CPA6: variants seen among roughly 807,000 people sequenced by gnomAD.
CPA6 encodes the protein carboxypeptidase B.
CPA6 carries 58 observed loss-of-function variants against 63.3 expected under a neutral mutation model. That is an observed-to-expected ratio of 0.92 (90% CI 0.74 to 1.14). The LOEUF (loss-of-function observed/expected upper bound fraction) is 1.14. Among genes scored for constraint, CPA6 ranks in the 50% most tolerant of loss-of-function variants. The pLI is 0.00. For missense variants in CPA6, 565 were observed against 526.6 expected (o/e 1.07, Z -0.71); for synonymous variants, 185 against 179.0 (o/e 1.03, Z -0.27).
intron 1 of CPA6, among the ~76,000 whole-genome samples, chr8:67,673,938 GGTGA>G (rs1001708206): frequency 1.3e-5 from 2 of 152,038 alleles, no homozygotes; most frequent in African/African-American, 4.8e-5. Flanking sequence ...ATGAGGTAAA[GGTGA>G]ATGAAGGGAG....
chr8:67,439,612 G>T (rs1206309186), intron 8 of CPA6, among the ~76,000 whole-genome samples: 1 of 150,366 alleles, frequency 6.7e-6, no homozygotes. Context: ...GAAAGAAAAA[G>T]AAAAAGAAAG....
intron 1 of CPA6, among the ~76,000 whole-genome samples, chr8:67,728,101 C>A (rs1184992878): frequency 2.0e-5 from 3 of 146,608 alleles, no homozygotes; most frequent in Admixed American, 6.9e-5. Context: ...ACAAAAAAAA[C>A]CCACAAAAAC....
At chr8:67,513,440 G>C (rs535581533) in intron 3 of CPA6, among the ~76,000 whole-genome samples, 23 of 152,066 alleles carry the variant, frequency 1.5e-4, no homozygotes, top group African/African-American at 5.5e-4. Context: ...TTATATTACC[G>C]TCACCAAAAT....
intron 1 of CPA6, among the ~76,000 whole-genome samples, chr8:67,722,711 C>A (rs910155445): frequency 2.0e-5 from 3 of 152,070 alleles, no homozygotes; most frequent in African/African-American, 7.2e-5. Flanking sequence ...ACATTTGGAG[C>A]ACTTGATATT....
intron 2 of CPA6, among the ~76,000 whole-genome samples, chr8:67,560,878 AC>A (rs2128974469): frequency 6.6e-6 from 1 of 152,236 alleles, no homozygotes; most frequent in South Asian, 2.1e-4. Context: ...GGACATTATA[AC>A]CAAAGCCATT....
At chr8:67,626,902 C>T (rs1243780255) in intron 1 of CPA6, among the ~76,000 whole-genome samples, 3 of 151,240 alleles carry the variant, frequency 2.0e-5, no homozygotes, top group Non-Finnish European at 1.5e-5. Context: ...ATAATTCAAC[C>T]TGGCAATCAG....
intron 1 of CPA6, among the ~76,000 whole-genome samples, chr8:67,677,342 C>CTTTTTTTTTTTTTTTT (rs35049117): frequency 1.6e-5 from 2 of 128,368 alleles, no homozygotes; most frequent in African/African-American, 2.9e-5. Context: ...AAAACACCTT[C>CTTTTTTTTTTTTTTTT]TTTTTTTTTT....
intron 8 of CPA6, 117 bp downstream of exon 8, chr8:67,483,651 C>T (rs944321994): frequency 1.2e-6 from 1 of 836,972 alleles, no homozygotes; most frequent in Admixed American, 1.7e-5. Flanking sequence ...CTTTCTCTAC[C>T]AGGTTTTCAC....
At chr8:67,696,516 G>T (rs768815195) in intron 1 of CPA6, among the ~76,000 whole-genome samples, 1 of 152,162 alleles carries the variant, frequency 6.6e-6, no homozygotes, top group Non-Finnish European at 1.5e-5. Flanking sequence ...ATTCTACTTC[G>T]AGGTATCTAC....
chr8:67,623,599 A>G lies in CPA6; in HGVS notation c.192+577T>C, dbSNP rs547687381. Reference sequence around the variant, plus strand: ...GGCATGTGACACCACACCTGGTTAAATTTTTACATTTTTTTGCAGAGATGG... The same window carrying G: ...GGCATGTGACACCACACCTGGTTAAGTTTTTACATTTTTTTGCAGAGATGG... On this transcript the variant is annotated intron_variant, in intron 2 of 10. Transcript: ENST00000297770. Among the ~76,000 whole-genome samples the G allele has an allele frequency of 1.8e-4, 27 of 151,964 alleles. No homozygotes were observed. The East Asian group carries it at 5.3e-3, about 30-fold the overall frequency.
chr8:67,609,885 G>C (rs1430018307), intron 2 of CPA6, among the ~76,000 whole-genome samples: 2 of 152,168 alleles, frequency 1.3e-5, no homozygotes. Flanking sequence ...AGCTGGGCAT[G>C]GTGGCTTGTG....
chr8:67,737,011 A>G lies in CPA6; in HGVS notation c.116+9003T>C, dbSNP rs549785989. On this transcript the variant is annotated intron_variant, in intron 1 of 10. Transcript: ENST00000297770. ...ATTACTAAGGTCACCATAACATCCCAGTCATCTTGACACCAGTCTTCAGCC... is the reference window on the plus strand; with the variant it reads ...ATTACTAAGGTCACCATAACATCCCGGTCATCTTGACACCAGTCTTCAGCC... 3.0e-4 allele frequency among the ~76,000 whole-genome samples: 46 copies of G among 152,320 alleles called. No homozygotes were observed. In the South Asian group the frequency reaches 9.1e-3, roughly 30 times the overall value.
intron 2 of CPA6, among the ~76,000 whole-genome samples, chr8:67,530,787 C>T (rs1449667209): frequency 3.3e-5 from 5 of 152,140 alleles, no homozygotes; most frequent in African/African-American, 1.2e-4. Context: ...GGGCAATAGC[C>T]TCAGCTAAAG....
intron 2 of CPA6, among the ~76,000 whole-genome samples, chr8:67,534,099 C>G (rs1386578071): frequency 6.6e-6 from 1 of 152,184 alleles, no homozygotes; most frequent in African/African-American, 2.4e-5. Context: ...TGTAGATTCC[C>G]CAATGTTCCC....
chr8:67,732,727 C>G (rs1817730001), intron 1 of CPA6: 2 of 152,358 alleles, frequency 1.3e-5, no homozygotes, highest in Non-Finnish European at 2.9e-5. Context: ...ACAGAATAGA[C>G]AAAGGACAGA....
Position 67,721,394 on chromosome 8 carries a change from T to C in CPA6, c.116+24620A>G, listed in dbSNP as rs1055984185. ...TTGAAGGTCTGTTGTTAACAGATTTTCTTTTGACTTTTAAATAAGTCACAT... is the reference window on the plus strand; with the variant it reads ...TTGAAGGTCTGTTGTTAACAGATTTCCTTTTGACTTTTAAATAAGTCACAT... On this transcript the variant is annotated intron_variant, in intron 1 of 10. Transcript: ENST00000297770. Among the ~76,000 whole-genome samples the C allele has an allele frequency of 2.0e-5, 3 of 152,246 alleles. No individual in the cohort carries two copies. The East Asian group carries it at 5.8e-4, about 29-fold the overall frequency.
chr8:67,665,178 A>G (rs773849703), intron 1 of CPA6, among the ~76,000 whole-genome samples: 1 of 152,242 alleles, frequency 6.6e-6, no homozygotes, highest in Non-Finnish European at 1.5e-5. Context: ...GGGAAAAACA[A>G]AACAAAACAA....
intron 2 of CPA6, among the ~76,000 whole-genome samples, chr8:67,539,517 C>A (rs879169631): frequency 6.6e-6 from 1 of 152,150 alleles, no homozygotes; most frequent in East Asian, 1.9e-4. Flanking sequence ...GTGTTCTCTG[C>A]ATTTCCTGAA....
intron 1 of CPA6, among the ~76,000 whole-genome samples, chr8:67,725,032 T>G (rs1420010930): frequency 6.6e-6 from 1 of 152,246 alleles, no homozygotes; most frequent in East Asian, 1.9e-4. Context: ...TGGGCTAGAA[T>G]AGTCGGCTAC....
Sources: allele counts gnomAD v4.1 joint callset (sites outside exome capture counted in the v4.1 genomes callset), GRCh38; gene constraint gnomAD v4.1.1; transcripts MANE v1.5; gene names NCBI Gene and HGNC (gene_info 2026-07-23, HGNC 2026-07-21).